The following SLC6A6 variants were observed in gnomAD, a reference collection of about 807,000 sequenced individuals.
SLC6A6 encodes solute carrier family 6 member 6.
SLC6A6 carries 16 observed loss-of-function variants against 68.8 expected under a neutral mutation model. That is an observed-to-expected ratio of 0.23 (90% confidence interval 0.16 to 0.35). The LOEUF is 0.35. Among genes scored for constraint, SLC6A6 ranks in the 10% least tolerant of loss-of-function variants. SLC6A6 has a pLI of 1.00. For synonymous variants in SLC6A6, 312 were observed against 315.4 expected, an observed-to-expected ratio of 0.99 and a Z score of 0.12; for missense variants, 474 against 802.8, an observed-to-expected ratio of 0.59 and a Z score of 4.95.
intron 2 of SLC6A6, among the ~76,000 whole-genome samples, chr3:14,433,347 T>C (rs1425995211): frequency 6.6e-5 from 10 of 152,204 alleles, no homozygotes; most frequent in Non-Finnish European, 1.5e-4. Flanking sequence ...CCGGCAGGGT[T>C]TGGGCTTCCT....
chr3:14,471,614 C>G (rs1700753915), intron 9 of SLC6A6, among the ~76,000 whole-genome samples: 1 of 152,156 alleles, frequency 6.6e-6, no homozygotes, highest in Admixed American at 6.5e-5. Flanking sequence ...AGCTTTGGGC[C>G]CTGGTTGGCC....
intron 9 of SLC6A6, among the ~76,000 whole-genome samples, chr3:14,471,203 T>G (rs1415956113): frequency 6.8e-6 from 1 of 146,402 alleles, no homozygotes; most frequent in Non-Finnish European, 1.5e-5. Flanking sequence ...GACCCACAGG[T>G]CTCAGTTAAC....
At chr3:14,443,908 C>A in intron 3 of SLC6A6, 45 bp downstream of exon 3, 1 of 1,367,342 alleles carries the variant, frequency 7.3e-7, no homozygotes, top group Middle Eastern at 1.8e-4. Context: ...AGTACAAAGC[C>A]GCCTTAGAGC....
At chr3:14,478,802 C>G (rs776454802) in intron 12 of SLC6A6, 3 of 594,194 alleles carry the variant, frequency 5.0e-6, no homozygotes, top group Non-Finnish European at 9.0e-6. Flanking sequence ...TGTGCAGGAC[C>G]TGGAATACTC....
At chr3:14,447,921 G>A (rs1398466042) in intron 5 of SLC6A6, 105 bp downstream of exon 5, 4 of 1,515,232 alleles carry the variant, frequency 2.6e-6, no homozygotes, top group Non-Finnish European at 3.5e-6. Context: ...TGTCTTCGGG[G>A]GAGTGGGAGG....
intron 2 of SLC6A6, among the ~76,000 whole-genome samples, chr3:14,439,471 A>G (rs1699933315): frequency 6.6e-6 from 1 of 152,356 alleles, no homozygotes; most frequent in African/African-American, 2.4e-5. Flanking sequence ...GGTTTCAGGC[A>G]CAGCTGGCTC....
rs116008240 is a variant in SLC6A6, at chr3:14,468,755, G to A, written c.1096+543G>A. On this transcript the variant is annotated intron_variant, in intron 9 of 14. Transcript: ENST00000622186. This position sits in a 1 kb window ranked among gnomAD's most constrained non-coding sequence, Gnocchi z 4.5. ...GGGGGGAGGGCGTAGATGAGGGGAC[G>A]ACCTACTGGGACGGTGGCAGATCCA... is the stretch of plus-strand genomic sequence containing the variant. 1.3e-5 allele frequency among the ~76,000 whole-genome samples: 2 copies of A among 152,214 alleles called. No homozygotes were observed. Among genetic ancestry groups the A allele is most frequent in the African/African-American group, 4.8e-5 (2 of 41,442 alleles).
At chr3:14,435,006 C>T (rs532399297) in intron 2 of SLC6A6, among the ~76,000 whole-genome samples, 73 of 152,330 alleles carry the variant, frequency 4.8e-4, no homozygotes, top group Middle Eastern at 3.4e-3. Context: ...TACCGTGTCT[C>T]GCCACCCCCG....
At chr3:14,445,626 T>C in intron 3 of SLC6A6, 91 bp from the exon 4 acceptor site, 1 of 1,437,020 alleles carries the variant, frequency 7.0e-7, no homozygotes, top group Non-Finnish European at 9.8e-7. Context: ...ATGCATTCTC[T>C]CTGGTTCCAT....
intron 2 of SLC6A6, among the ~76,000 whole-genome samples, chr3:14,436,226 G>C (rs1272269484): frequency 1.3e-5 from 2 of 152,064 alleles, no homozygotes; most frequent in African/African-American, 4.8e-5. Flanking sequence ...TTAGAAACAG[G>C]GTCTTGCTCT....
At chr3:14,404,466 C>T (rs927965971) in intron 1 of SLC6A6, among the ~76,000 whole-genome samples, 1 of 152,198 alleles carries the variant, frequency 6.6e-6, no homozygotes, top group Non-Finnish European at 1.5e-5. Flanking sequence ...CTGGCTCAGC[C>T]CCCAGTTGAC....
At chr3:14,465,572 T>G (rs1258281343) in intron 6 of SLC6A6, among the ~76,000 whole-genome samples, 1 of 152,210 alleles carries the variant, frequency 6.6e-6, no homozygotes, top group Non-Finnish European at 1.5e-5. Flanking sequence ...GGGGCTTCTA[T>G]TACTCTTATC....
At chr3:14,432,883 GTCCCC>G (rs1291635562) in intron 2 of SLC6A6, 2 of 152,176 alleles carry the variant, frequency 1.3e-5, no homozygotes, top group African/African-American at 4.8e-5. Flanking sequence ...GGTGTCCAGG[GTCCCC>G]TCAGACAGCA....
intron 5 of SLC6A6, among the ~76,000 whole-genome samples, chr3:14,457,457 C>T (rs1700394702): frequency 6.6e-6 from 1 of 152,286 alleles, no homozygotes; most frequent in South Asian, 2.1e-4. Context: ...CCAGGTTACA[C>T]AGGGATGAAT....
At chr3:14,457,801 G>A in intron 5 of SLC6A6, 149 bp from the exon 6 acceptor site, 1 of 673,600 alleles carries the variant, frequency 1.5e-6, no homozygotes, top group Non-Finnish European at 2.6e-6. Flanking sequence ...GACAAATGGG[G>A]ATTCCTGGGT....
intron 3 of SLC6A6, among the ~76,000 whole-genome samples, chr3:14,445,150 C>T (rs1209022694): frequency 3.9e-5 from 6 of 152,004 alleles, no homozygotes; most frequent in Non-Finnish European, 7.4e-5. Context: ...CAGCCGGGCG[C>T]GGTGGCTCAC....
Position 14,481,124 on chromosome 3 carries a change from A to G in SLC6A6, c.1552-547A>G, listed in dbSNP as rs904119543. The stretch of plus-strand genomic sequence containing the variant: ...ACAAGACACACACATTCCTACTCTC[A>G]GACTCACAGTCTGGCAGAACACGTG... On this transcript the variant is annotated intron_variant, in intron 13 of 14. Coordinates refer to ENST00000622186, the MANE Select transcript of SLC6A6 (RefSeq NM_003043.6). This position sits in a 1 kb window ranked among gnomAD's most constrained non-coding sequence, Gnocchi z 4.7. Among the ~76,000 whole-genome samples the G allele has an allele frequency of 6.6e-6, 1 of 152,234 alleles. No homozygotes were observed. Among genetic ancestry groups the G allele is most frequent in the Non-Finnish European group, 1.5e-5 (1 of 68,044 alleles).
rs1700690057 is a variant in SLC6A6, at chr3:14,468,917, G to A, written c.1096+705G>A. Among the ~76,000 whole-genome samples, 1 of 152,120 alleles carries A rather than the reference G, an allele frequency of 6.6e-6. No individual in the cohort carries two copies. The highest frequency in any genetic ancestry group is 1.5e-5 in the Non-Finnish European group (1 of 68,022). ...AGAATCACGGACTCTGCACAGACGG[G>A]GAACTTAGGAATCTGGGATCCCAGA... On this transcript the variant is annotated intron_variant, in intron 9 of 14. Coordinates refer to ENST00000622186, the MANE Select transcript of SLC6A6 (RefSeq NM_003043.6). The surrounding 1 kb of genome is among the most constrained non-coding windows in gnomAD (Gnocchi z 4.5).
intron 1 of SLC6A6, among the ~76,000 whole-genome samples, chr3:14,409,047 A>G (rs1699176377): frequency 6.6e-6 from 1 of 152,172 alleles, no homozygotes; most frequent in African/African-American, 2.4e-5. Flanking sequence ...TGACCTGGTG[A>G]TCTGCCCGCC....
Sources: allele counts gnomAD v4.1 joint callset (sites outside exome capture counted in the v4.1 genomes callset), GRCh38; gene constraint gnomAD v4.1.1; non-coding constraint Gnocchi (gnomAD v3.1); transcripts MANE v1.5; gene names NCBI Gene and HGNC (gene_info 2026-07-23, HGNC 2026-07-21).